The following FGGY variants were observed in gnomAD, a reference collection of about 807,000 sequenced individuals.
FGGY encodes FGGY carbohydrate kinase domain containing.
A neutral mutation model predicts 71.3 loss-of-function variants in FGGY; 72 were observed. The observed-to-expected ratio is 1.01, with a 90% CI of 0.84 to 1.23. FGGY has a LOEUF of 1.23. Among genes scored for constraint, FGGY ranks in the 50% most tolerant of loss-of-function variants. The pLI is 0.00. For missense variants in FGGY, 668 were observed against 682.3 expected (o/e 0.98, Z 0.23); for synonymous variants, 251 against 250.3 (o/e 1.00, Z -0.02).
At chr1:59,410,904 G>A (rs2063513647) in intron 5 of FGGY, among the ~76,000 whole-genome samples, 1 of 152,148 alleles carries the variant, frequency 6.6e-6, no homozygotes, top group Non-Finnish European at 1.5e-5. Context: ...TGAAGCATTA[G>A]ATTAATTTTA....
In FGGY at chr1:59,638,238, A is replaced by G. The variant is rs113455937; in HGVS notation, c.1084A>G (p.Ile362Val). The G allele has an allele frequency of 1.0e-4, 169 of 1,614,094 alleles. 2 individuals carry two copies. In the African/African-American group the frequency reaches 2.0e-3, roughly 19 times the overall value. The change falls in exon 11 of 16, where the codon ATA becomes GTA. Residue 362 changes from isoleucine to valine, a missense_variant. By Grantham distance (29) the Ile-to-Val change is conservative (BLOSUM62 3). This residue lies in a region of FGGY where 661 missense variants were observed against 661.6 expected (regional missense o/e 1.00). Coordinates refer to ENST00000303721, the MANE Select transcript of FGGY (RefSeq NM_018291.5). ...TCACTTCTCTTCCAGATGCCAGAGT[A>G]TATATGCATATTTGAACAGTCACCT... is the stretch of plus-strand genomic sequence containing the variant. ...QVKATARCQS[I>V]YAYLNSHLDL... is the part of the protein sequence containing the mutation.
rs141009804 is a variant in FGGY at position 59,501,859 on chromosome 1, G to A, written c.671-10452G>A. 2.0e-5 allele frequency among the ~76,000 whole-genome samples: 3 copies of A among 152,212 alleles called. No individual in the cohort carries two copies. The East Asian group carries it at 5.8e-4, about 29-fold the overall frequency. ...TATCTCCACATGCTGTAACATCAAG[G>A]ATCTCTCCTCAAGCTTTGTAAGCTC... On this transcript the variant is annotated intron_variant, in intron 6 of 15. Coordinates refer to ENST00000303721, the MANE Select transcript of FGGY (RefSeq NM_018291.5).
chr1:59,443,128 A>G (rs915740808), intron 5 of FGGY, among the ~76,000 whole-genome samples: 17 of 152,308 alleles, frequency 1.1e-4, no homozygotes, highest in African/African-American at 4.1e-4. Context: ...ACACTACAGT[A>G]TAGTATAGTT....
At chr1:59,585,769 C>T (rs1347189442) in intron 8 of FGGY, among the ~76,000 whole-genome samples, 3 of 152,152 alleles carry the variant, frequency 2.0e-5, no homozygotes, top group African/African-American at 7.2e-5. Context: ...ACAACCTACT[C>T]ATCTGACAAA....
At chr1:59,505,538 C>T (rs2153616493) in intron 6 of FGGY, among the ~76,000 whole-genome samples, 1 of 152,302 alleles carries the variant, frequency 6.6e-6, no homozygotes, top group South Asian at 2.1e-4. Flanking sequence ...CAGTGCCAAG[C>T]ACAGAGGAAG....
At chr1:59,371,483 C>A (rs1350401155) in intron 4 of FGGY, among the ~76,000 whole-genome samples, 1 of 152,136 alleles carries the variant, frequency 6.6e-6, no homozygotes, top group Non-Finnish European at 1.5e-5. Context: ...CCACTGTCAA[C>A]ATTAGACAGA....
intron 5 of FGGY, among the ~76,000 whole-genome samples, chr1:59,384,232 C>T (rs545103278): frequency 5.3e-4 from 81 of 152,234 alleles, no homozygotes; most frequent in African/African-American, 1.8e-3. Flanking sequence ...TTCCCCCACC[C>T]ACCCCGTACT....
chr1:59,732,719 C>T (rs932259710), intron 14 of FGGY, among the ~76,000 whole-genome samples: 1 of 152,180 alleles, frequency 6.6e-6, no homozygotes, highest in Non-Finnish European at 1.5e-5. Flanking sequence ...TAGTTGATTA[C>T]TTTATGCAGA....
At chr1:59,727,553 AGAT>A (rs1171062283) in intron 14 of FGGY, among the ~76,000 whole-genome samples, 1 of 152,200 alleles carries the variant, frequency 6.6e-6, no homozygotes, top group East Asian at 1.9e-4. Context: ...AAGAAATTGG[AGAT>A]GATACAAATA....
rs140560194 is a variant in FGGY, at chr1:59,312,803, A to G, written c.-14-8733A>G. Among the ~76,000 whole-genome samples the G allele has an allele frequency of 6.6e-4, 101 of 152,272 alleles. 1 individual carries two copies. The East Asian group carries it at 0.014, about 21-fold the overall frequency. On this transcript the variant is annotated intron_variant, in intron 1 of 15. Transcript: ENST00000303721. Reference sequence around the variant, plus strand: ...TTATGGTTTTTGGCCACCATTCAAGATGGTTCACCATCCAAAACTGGCTCA... The same window carrying G: ...TTATGGTTTTTGGCCACCATTCAAGGTGGTTCACCATCCAAAACTGGCTCA...
At chr1:59,372,490 G>A (rs200045929) in intron 4 of FGGY, among the ~76,000 whole-genome samples, 14,580 of 151,994 alleles carry the variant, frequency 0.096, 769 homozygotes, top group African/African-American at 0.11. Context: ...ACAAGGAGGA[G>A]CTGGTACCAT....
At chr1:59,670,006 T>A (rs2097363667) in intron 13 of FGGY, among the ~76,000 whole-genome samples, 3 of 152,138 alleles carry the variant, frequency 2.0e-5, no homozygotes. Context: ...CTGTTAATCG[T>A]TATTTGGATT....
intron 7 of FGGY, among the ~76,000 whole-genome samples, chr1:59,538,256 C>A (rs1265898018): frequency 1.3e-5 from 2 of 152,054 alleles, no homozygotes; most frequent in Admixed American, 6.6e-5. Context: ...CTCACCATCA[C>A]TGGCCATCAG....
At chr1:59,541,719 G>A (rs536122140) in intron 7 of FGGY, among the ~76,000 whole-genome samples, 20 of 152,208 alleles carry the variant, frequency 1.3e-4, no homozygotes, top group African/African-American at 4.6e-4. Flanking sequence ...GAATATATCC[G>A]AAAGAAATGT....
At chr1:59,517,927 A>G (rs553269446) in intron 7 of FGGY, among the ~76,000 whole-genome samples, 3 of 152,318 alleles carry the variant, frequency 2.0e-5, no homozygotes, top group South Asian at 2.1e-4. Context: ...TGCAGGAGCA[A>G]AAGTTTGGGT....
chr1:59,508,681 TA>T (rs768926313), intron 6 of FGGY, among the ~76,000 whole-genome samples: 2 of 152,196 alleles, frequency 1.3e-5, no homozygotes, highest in Non-Finnish European at 2.9e-5. Context: ...GGTCTCTAAA[TA>T]AACAAAGCTC....
At chr1:59,455,680 A>G (rs958272631) in intron 5 of FGGY, among the ~76,000 whole-genome samples, 11 of 152,224 alleles carry the variant, frequency 7.2e-5, no homozygotes, top group Non-Finnish European at 1.3e-4. Flanking sequence ...GGGGAGCAAT[A>G]TGAAGAAGCA....
At position 59,747,421 on chromosome 1, in the gene FGGY, C is replaced by T. The variant is rs940427887; in HGVS notation, c.1513-10510C>T. Among the ~76,000 whole-genome samples, 2 of 152,222 alleles carry T rather than the reference C, an allele frequency of 1.3e-5. 1 individual carries two copies. Among genetic ancestry groups the T allele is most frequent in the Admixed American group, 1.3e-4 (2 of 15,276 alleles). On this transcript the variant is annotated intron_variant, in intron 14 of 15. Coordinates refer to ENST00000303721, the MANE Select transcript of FGGY (RefSeq NM_018291.5). ...TGCCCATGACTGAATCGGAATGAAA[C>T]TTTCCCTTGCTAGGAAAACACTGTG...
intron 13 of FGGY, among the ~76,000 whole-genome samples, chr1:59,672,802 A>G (rs979087680): frequency 2.6e-5 from 4 of 152,214 alleles, no homozygotes; most frequent in Non-Finnish European, 4.4e-5. Context: ...TTACACCACA[A>G]GTTTACCTCT....
Sources: gnomAD v4.1 joint callset for allele counts (sites outside exome capture counted in the v4.1 genomes callset) on GRCh38, gnomAD v4.1.1 for gene constraint, gnomAD v4.1.1 regional missense constraint, MANE v1.5 for transcripts, NCBI Gene and HGNC (gene_info 2026-07-23, HGNC 2026-07-21) for gene names.